FARS2: variants seen among roughly 807,000 people sequenced by gnomAD.
FARS2 encodes the protein phenylalanine--tRNA ligase, mitochondrial.
In FARS2, 40 loss-of-function variants were observed where a neutral mutation model predicts 46.4. The ratio of observed to expected loss-of-function variants is 0.86; its 90% CI spans 0.67 to 1.12. The LOEUF is 1.12. Ranked by LOEUF, FARS2 falls within the 50% of genes most tolerant of loss-of-function variation. The pLI is 0.00. For synonymous variants in FARS2, 234 were observed against 214.9 expected, an observed-to-expected ratio of 1.09 and a Z score of -0.78; for missense variants, 513 against 567.9, an observed-to-expected ratio of 0.90 and a Z score of 0.98.
At chr6:5,720,254 T>G (rs1467350932) in intron 6 of FARS2, among the ~76,000 whole-genome samples, 1 of 152,272 alleles carries the variant, frequency 6.6e-6, no homozygotes, top group Non-Finnish European at 1.5e-5. Flanking sequence ...ATAGTGATTC[T>G]GAGGGTAACT....
intron 5 of FARS2, among the ~76,000 whole-genome samples, chr6:5,557,383 C>G (rs1281325503): frequency 6.6e-6 from 1 of 152,120 alleles, no homozygotes; most frequent in African/African-American, 2.4e-5. Context: ...ACGACAACGT[C>G]TAGAGACAGA....
intron 5 of FARS2, among the ~76,000 whole-genome samples, chr6:5,548,955 T>C (rs1419240905): frequency 6.6e-6 from 1 of 152,254 alleles, no homozygotes; most frequent in Non-Finnish European, 1.5e-5. Context: ...ATCATACTAT[T>C]ACCTAAGTAT....
intron 4 of FARS2, among the ~76,000 whole-genome samples, chr6:5,436,851 C>A (rs185737232): frequency 1.4e-3 from 207 of 152,282 alleles, no homozygotes; most frequent in African/African-American, 4.7e-3. Flanking sequence ...CACATTCAGA[C>A]CATACTTTGA....
intron 5 of FARS2, among the ~76,000 whole-genome samples, chr6:5,596,291 G>A (rs779242994): frequency 5.9e-5 from 9 of 152,128 alleles, no homozygotes; most frequent in Non-Finnish European, 1.0e-4. Flanking sequence ...CTCTCCTCTC[G>A]CTCATTAACC....
At chr6:5,344,012 C>T (rs1229648223) in intron 1 of FARS2, among the ~76,000 whole-genome samples, 3 of 152,176 alleles carry the variant, frequency 2.0e-5, no homozygotes, top group Non-Finnish European at 2.9e-5. Context: ...CTGTGCCTTC[C>T]GTGCTTCTCT....
intron 6 of FARS2, among the ~76,000 whole-genome samples, chr6:5,620,112 G>C (rs1466102450): frequency 6.6e-6 from 1 of 151,912 alleles, no homozygotes; most frequent in South Asian, 2.1e-4. Flanking sequence ...TTTGGGCCTG[G>C]TAACTCTTTG....
intron 1 of FARS2, among the ~76,000 whole-genome samples, chr6:5,264,717 A>G (rs1451357400): frequency 1.3e-5 from 2 of 151,888 alleles, no homozygotes; most frequent in African/African-American, 2.4e-5. Context: ...CATAAGTACC[A>G]TATATTATAT....
intron 5 of FARS2, among the ~76,000 whole-genome samples, chr6:5,577,890 C>T (rs1269326975): frequency 6.6e-6 from 1 of 152,136 alleles, no homozygotes; most frequent in African/African-American, 2.4e-5. Context: ...CAAGCTCTGC[C>T]TCCCGGGTTC....
chr6:5,707,686 C>CTG (rs1758843486), intron 6 of FARS2, among the ~76,000 whole-genome samples: 1 of 152,234 alleles, frequency 6.6e-6, no homozygotes, highest in African/African-American at 2.4e-5. Flanking sequence ...TCTGAGCACA[C>CTG]ATGCCAGTCT....
rs5873985 is a variant in FARS2, at chr6:5,449,352, C to CAAAA, written c.904+18191_904+18194dup. Reference sequence around the variant, plus strand: ...TGACAGAGTGAGTAAGACTCCATCTCAAAAAAAAAAAAAAGAAAAAAAAGA... The same window carrying CAAAA: ...TGACAGAGTGAGTAAGACTCCATCTCAAAAAAAAAAAAAAAAAAGAAAAAAAAGA... On this transcript the variant is annotated intron_variant, in intron 4 of 6. Transcript: ENST00000274680. 2.0e-3 allele frequency among the ~76,000 whole-genome samples: 246 copies of CAAAA among 120,758 alleles called. 3 individuals are homozygous for CAAAA. Among genetic ancestry groups the CAAAA allele is most frequent in the Non-Finnish European group, 3.3e-3 (197 of 60,352 alleles). The allele number at this position is 120,758 out of a possible 152,430, so 79.2% of individuals were successfully genotyped here.
chr6:5,305,225 A>G (rs1446372640), intron 1 of FARS2, among the ~76,000 whole-genome samples: 1 of 152,272 alleles, frequency 6.6e-6, no homozygotes, highest in Non-Finnish European at 1.5e-5. Context: ...CAGTTGGATT[A>G]TAAACATTAC....
chr6:5,757,213 T>C (rs1318315653), intron 6 of FARS2, among the ~76,000 whole-genome samples: 1 of 152,178 alleles, frequency 6.6e-6, no homozygotes, highest in African/African-American at 2.4e-5. Context: ...AAGAGAACAC[T>C]TCTTTTCACA....
At chr6:5,474,108 C>A (rs573243995) in intron 4 of FARS2, among the ~76,000 whole-genome samples, 81 of 152,276 alleles carry the variant, frequency 5.3e-4, no homozygotes, top group Non-Finnish European at 1.0e-3. Flanking sequence ...TCATACCCAT[C>A]AAACTAAAGG....
chr6:5,329,864 G>C (rs569689882), intron 1 of FARS2, among the ~76,000 whole-genome samples: 1 of 152,344 alleles, frequency 6.6e-6, no homozygotes, highest in Non-Finnish European at 1.5e-5. Flanking sequence ...TCTCAACTCT[G>C]TGGTTCAGGA....
intron 5 of FARS2, among the ~76,000 whole-genome samples, chr6:5,555,140 T>C (rs1172536082): frequency 6.6e-6 from 1 of 152,124 alleles, no homozygotes; most frequent in Non-Finnish European, 1.5e-5. Context: ...CGACATCTGA[T>C]GGGCTTATCA....
intron 1 of FARS2, among the ~76,000 whole-genome samples, chr6:5,336,211 G>C (rs903974779): frequency 2.0e-5 from 3 of 151,630 alleles, no homozygotes; most frequent in Non-Finnish European, 4.4e-5. Context: ...TGAAAGGTAA[G>C]ATTGGCTTTT....
intron 4 of FARS2, among the ~76,000 whole-genome samples, chr6:5,504,235 A>G (rs1386403095): frequency 1.3e-5 from 2 of 152,202 alleles, no homozygotes; most frequent in Non-Finnish European, 2.9e-5. Flanking sequence ...TTTTTATTCT[A>G]TATCACAATG....
intron 2 of FARS2, among the ~76,000 whole-genome samples, chr6:5,389,651 G>A (rs1232839339): frequency 6.6e-6 from 1 of 152,148 alleles, no homozygotes. Flanking sequence ...TTGGTGATAC[G>A]GTAGTGGCTA....
At chr6:5,346,681 C>T (rs1405137087) in intron 1 of FARS2, among the ~76,000 whole-genome samples, 2 of 152,072 alleles carry the variant, frequency 1.3e-5, no homozygotes, top group African/African-American at 2.4e-5. Context: ...CTCGATTCTA[C>T]GATTTACATA....
Sources: gnomAD v4.1 joint callset for allele counts (sites outside exome capture counted in the v4.1 genomes callset) on GRCh38, gnomAD v4.1.1 for gene constraint, MANE v1.5 for transcripts, NCBI Gene and HGNC (gene_info 2026-07-23, HGNC 2026-07-21) for gene names.